Variants in ZFHX3 observed in about 807,000 individuals in gnomAD.
ZFHX3 encodes the protein zinc finger homeobox 3.
A neutral mutation model predicts 279.1 loss-of-function variants in ZFHX3; 42 were observed. The observed-to-expected ratio is 0.15, with a 90% CI of 0.12 to 0.19. ZFHX3 has a LOEUF of 0.19. ZFHX3 is among the 10% of genes least tolerant of loss of function. ZFHX3 has a pLI of 1.00. For synonymous variants in ZFHX3, 2,293 were observed against 1,957.8 expected (o/e 1.17, Z -4.52); for missense variants, 4,981 against 4,754.0 (o/e 1.05, Z -1.40).
upstream of ZFHX3, among the ~76,000 whole-genome samples, chr16:73,051,282 C>T (rs759512887): frequency 2.0e-5 from 3 of 152,190 alleles, no homozygotes; most frequent in Non-Finnish European, 4.4e-5. Flanking sequence ...CAAAAACAAA[C>T]GTTCCTGAAA....
At position 72,908,589 on chromosome 16, in the gene ZFHX3, C is replaced by T. The variant is rs75272187; in HGVS notation, c.3217-18627G>A. Among the ~76,000 whole-genome samples, 1,518 of 152,282 alleles carry T rather than the reference C, an allele frequency of 1.0e-2. 42 individuals carry two copies. Among genetic ancestry groups the T allele is most frequent in the East Asian group, 0.037 (194 of 5,178 alleles). ...TCATTGGGTTTTTCTGGGGAAGAAC[C>T]TGTTAGGAGGACTGGCTTGCCTCTG... On this transcript the variant is annotated intron_variant, in intron 3 of 9. Transcript: ENST00000268489.
chr16:73,447,390 C>A (rs908481058), intron 3 of ZFHX3, among the ~76,000 whole-genome samples: 1 of 152,004 alleles, frequency 6.6e-6, no homozygotes, highest in Non-Finnish European at 1.5e-5. Flanking sequence ...TTTAACCATA[C>A]CCTGAATCCC....
intron 4 of ZFHX3, among the ~76,000 whole-genome samples, chr16:73,278,239 G>A (rs2014353895): frequency 6.6e-6 from 1 of 152,126 alleles, no homozygotes; most frequent in East Asian, 1.9e-4. Context: ...TTAAAATAAA[G>A]TTTTTGTTAC....
chr16:73,778,369 GCT>G (rs1959336063), intron 1 of ZFHX3, among the ~76,000 whole-genome samples: 1 of 151,264 alleles, frequency 6.6e-6, no homozygotes. Context: ...TTAGAAAATT[GCT>G]CTGTGAGATT....
At chr16:73,647,955 T>C (rs914835321) in intron 2 of ZFHX3, among the ~76,000 whole-genome samples, 1 of 151,982 alleles carries the variant, frequency 6.6e-6, no homozygotes, top group African/African-American at 2.4e-5. Flanking sequence ...AACTGATGCA[T>C]AAACAAAAAA....
intron 2 of ZFHX3, among the ~76,000 whole-genome samples, chr16:73,521,211 G>C (rs16972092): frequency 6.6e-6 from 1 of 152,030 alleles, no homozygotes; most frequent in Non-Finnish European, 1.5e-5. Context: ...AGCAGATTTA[G>C]AGCTCAGATG....
intron 4 of ZFHX3, among the ~76,000 whole-genome samples, chr16:73,308,246 TATATATATATATATATATATATATATATA>T (rs1263661126): frequency 2.7e-4 from 6 of 22,472 alleles, no homozygotes; most frequent in Non-Finnish European, 6.8e-4. Context: ...TATATATATA[TATATATATATATATATATATATATATATA>T]TATTTATTTA....
intron 3 of ZFHX3, among the ~76,000 whole-genome samples, chr16:73,377,097 C>T (rs187317082): frequency 1.7e-4 from 26 of 151,984 alleles, no homozygotes; most frequent in Admixed American, 1.4e-3. Context: ...TCAGCCTCCC[C>T]AGTAGCTGGG....
chr16:73,662,211 G>T (rs575446324), intron 2 of ZFHX3, among the ~76,000 whole-genome samples: 2 of 152,242 alleles, frequency 1.3e-5, no homozygotes, highest in South Asian at 4.1e-4. Flanking sequence ...AAATCAACTA[G>T]TTACTAAATA....
chr16:73,174,381 G>A (rs866065716), intron 5 of ZFHX3, among the ~76,000 whole-genome samples: 4 of 152,156 alleles, frequency 2.6e-5, no homozygotes, highest in African/African-American at 9.7e-5. Flanking sequence ...TGACAGCGAG[G>A]CAGGATCCTG....
At chr16:73,428,690 A>T (rs2017856534) in intron 3 of ZFHX3, among the ~76,000 whole-genome samples, 1 of 152,094 alleles carries the variant, frequency 6.6e-6, no homozygotes, top group Non-Finnish European at 1.5e-5. Flanking sequence ...ACAGACAGAG[A>T]GATAGAATAA....
intron 5 of ZFHX3, among the ~76,000 whole-genome samples, chr16:73,170,922 G>A (rs959002554): frequency 6.6e-6 from 1 of 152,090 alleles, no homozygotes; most frequent in East Asian, 1.9e-4. Context: ...TGAGTTTTCC[G>A]ACGCACCGTG....
intron 1 of ZFHX3, among the ~76,000 whole-genome samples, chr16:73,858,288 G>A (rs184055268): frequency 7.9e-4 from 121 of 152,232 alleles, no homozygotes; most frequent in Non-Finnish European, 1.5e-3. Flanking sequence ...AATAGAAACA[G>A]TTTCAGACCA....
intron 4 of ZFHX3, among the ~76,000 whole-genome samples, chr16:72,846,228 G>C (rs1162922010): frequency 1.3e-5 from 2 of 152,208 alleles, no homozygotes; most frequent in Non-Finnish European, 2.9e-5. Flanking sequence ...AATCCAGGGA[G>C]TTCCTTAACA....
chr16:73,859,743 A>G (rs570235781), intron 1 of ZFHX3, among the ~76,000 whole-genome samples: 2 of 152,378 alleles, frequency 1.3e-5, no homozygotes, highest in South Asian at 2.1e-4. Flanking sequence ...TGAAAAGTTG[A>G]CCAAAATCAA....
At chr16:73,512,008 T>A (rs915111541) in intron 2 of ZFHX3, among the ~76,000 whole-genome samples, 1 of 152,096 alleles carries the variant, frequency 6.6e-6, no homozygotes, top group Non-Finnish European at 1.5e-5. Context: ...TTTCACTGCC[T>A]GCAACCCGAT....
chr16:73,548,479 T>A lies in ZFHX3; in HGVS notation c.-1546-92221A>T, dbSNP rs2380339. Among the ~76,000 whole-genome samples, 1,208 of 150,474 alleles carry A rather than the reference T, an allele frequency of 8.0e-3. 18 individuals are homozygous for A. Among genetic ancestry groups the A allele is most frequent in the East Asian group, 0.076 (389 of 5,142 alleles). Reference sequence around the variant, plus strand: ...TTGGGTGTTTAGCCTTTTTTTTTTTTAAAAAAAAGTGCAATTATATAATAA... The same window carrying A: ...TTGGGTGTTTAGCCTTTTTTTTTTTAAAAAAAAAGTGCAATTATATAATAA... On this transcript the variant is annotated intron_variant, in intron 2 of 17. Coordinates refer to the ZFHX3 transcript ENST00000641206.
chr16:73,154,074 G>T (rs1466424370), intron 5 of ZFHX3, among the ~76,000 whole-genome samples: 1 of 152,150 alleles, frequency 6.6e-6, no homozygotes, highest in African/African-American at 2.4e-5. Flanking sequence ...ATGCTGGGGT[G>T]AAGGCGACCA....
At chr16:72,801,110 A>G (rs982601683) in intron 7 of ZFHX3, among the ~76,000 whole-genome samples, 6 of 152,208 alleles carry the variant, frequency 3.9e-5, no homozygotes, top group Non-Finnish European at 8.8e-5. Flanking sequence ...TTTGCCTGAT[A>G]TGGGGTGGGA....
Sources: gnomAD v4.1 joint callset for allele counts (sites outside exome capture counted in the v4.1 genomes callset) on GRCh38, gnomAD v4.1.1 for gene constraint, MANE v1.5 for transcripts, NCBI Gene and HGNC (gene_info 2026-07-23, HGNC 2026-07-21) for gene names.